The following RSU1 variants were observed in gnomAD, a reference collection of about 807,000 sequenced individuals.
RSU1 encodes the protein rsu-1.
RSU1 carries 26 observed loss-of-function variants against 31.1 expected under a neutral mutation model. That is an observed-to-expected ratio of 0.84 (90% confidence interval 0.61 to 1.16). RSU1 has a LOEUF of 1.16. Ranked by LOEUF, RSU1 falls within the 50% of genes most tolerant of loss-of-function variation. The pLI is 0.00. For synonymous variants in RSU1, 164 were observed against 136.3 expected, an observed-to-expected ratio of 1.20 and a Z score of -1.41; for missense variants, 320 against 339.1, an observed-to-expected ratio of 0.94 and a Z score of 0.44.
chr10:16,752,230 C>T (rs138444499), intron 7 of RSU1, among the ~76,000 whole-genome samples: 1 of 152,298 alleles, frequency 6.6e-6, no homozygotes, highest in African/African-American at 2.4e-5. Flanking sequence ...CAATGAGGAG[C>T]CAGGGATAAG....
chr10:16,799,061 C>A (rs377208004), intron 2 of RSU1, among the ~76,000 whole-genome samples: 1 of 152,030 alleles, frequency 6.6e-6, no homozygotes, highest in South Asian at 2.1e-4. Context: ...ACTCCTAATG[C>A]GCATAAAAGA....
chr10:16,719,515 CAG>C (rs1464448565), intron 7 of RSU1, among the ~76,000 whole-genome samples: 1 of 152,194 alleles, frequency 6.6e-6, no homozygotes, highest in Admixed American at 6.5e-5. Context: ...GTCACCTCTT[CAG>C]AGACGCCTCC....
intron 4 of RSU1, 49 bp downstream of exon 4, chr10:16,764,341 C>G (rs370090210): frequency 6.5e-7 from 1 of 1,539,002 alleles, no homozygotes; most frequent in Non-Finnish European, 8.8e-7. Context: ...ACCCGGCATG[C>G]CCCTTCCACT....
At chr10:16,751,378 A>G (rs564004748) in intron 7 of RSU1, among the ~76,000 whole-genome samples, 1 of 152,268 alleles carries the variant, frequency 6.6e-6, no homozygotes, top group Admixed American at 6.5e-5. Context: ...AAATGGCAAG[A>G]GAGGAGGCGG....
intron 8 of RSU1, among the ~76,000 whole-genome samples, chr10:16,680,419 G>A (rs1356870882): frequency 2.0e-5 from 3 of 152,104 alleles, no homozygotes; most frequent in Admixed American, 6.6e-5. Context: ...GTTCATTCTT[G>A]CGTTGCTATA....
At chr10:16,645,957 CATATATGTGTATATATATGTGTATAT>C (rs1432057845) in intron 8 of RSU1, among the ~76,000 whole-genome samples, 1 of 36,352 alleles carries the variant, frequency 2.8e-5, no homozygotes, top group African/African-American at 1.3e-4. Flanking sequence ...TGTGTATATA[CATATATGTGTATATATATGTGTATAT>C]ACATATATGT....
At chr10:16,677,667 T>A (rs1835258603) in intron 8 of RSU1, among the ~76,000 whole-genome samples, 1 of 152,212 alleles carries the variant, frequency 6.6e-6, no homozygotes, top group South Asian at 2.1e-4. Context: ...CCAGTATTTT[T>A]TCTTGTTGCC....
intron 8 of RSU1, among the ~76,000 whole-genome samples, chr10:16,658,850 G>T (rs1296334651): frequency 1.3e-5 from 2 of 152,102 alleles, no homozygotes; most frequent in Non-Finnish European, 2.9e-5. Flanking sequence ...GTCTGCCTTG[G>T]TCTTTGCAGG....
At chr10:16,637,822 C>CA (rs397738474) in intron 8 of RSU1, among the ~76,000 whole-genome samples, 8,756 of 129,482 alleles carry the variant, frequency 0.068, 603 homozygotes, top group African/African-American at 0.19. Context: ...TATGGATCCT[C>CA]AAAAAAAAAA....
At chr10:16,713,748 C>G (rs1836069277) in intron 7 of RSU1, among the ~76,000 whole-genome samples, 1 of 152,114 alleles carries the variant, frequency 6.6e-6, no homozygotes, top group African/African-American at 2.4e-5. Flanking sequence ...CATTTCCTTG[C>G]TTTTTCACAT....
intron 8 of RSU1, among the ~76,000 whole-genome samples, chr10:16,608,589 T>C (rs1418262092): frequency 6.6e-6 from 1 of 152,050 alleles, no homozygotes; most frequent in Non-Finnish European, 1.5e-5. Flanking sequence ...AAACACAGCA[T>C]CTCATTTCTG....
At chr10:16,593,958 G>A (rs1039998974) in intron 8 of RSU1, among the ~76,000 whole-genome samples, 1 of 152,210 alleles carries the variant, frequency 6.6e-6, no homozygotes, top group South Asian at 2.1e-4. Context: ...GATGGATAGC[G>A]TGGGGCTGGC....
At chr10:16,777,583 G>A (rs1156498042) in intron 3 of RSU1, among the ~76,000 whole-genome samples, 1 of 152,148 alleles carries the variant, frequency 6.6e-6, no homozygotes, top group Non-Finnish European at 1.5e-5. Context: ...CTAATCTTTA[G>A]GTACAAAACC....
intron 3 of RSU1, among the ~76,000 whole-genome samples, chr10:16,769,878 A>G (rs1351860374): frequency 6.6e-6 from 1 of 152,228 alleles, no homozygotes; most frequent in Non-Finnish European, 1.5e-5. Flanking sequence ...GGATGCTACA[A>G]TCAAACCCTT....
At chr10:16,721,206 C>T (rs1391282290) in intron 7 of RSU1, 1 of 152,110 alleles carries the variant, frequency 6.6e-6, no homozygotes, top group Non-Finnish European at 1.5e-5. Flanking sequence ...GTAGAGAGAA[C>T]AGTGAAGAGG....
chr10:16,624,671 C>T (rs576213206), intron 8 of RSU1, among the ~76,000 whole-genome samples: 1 of 152,272 alleles, frequency 6.6e-6, no homozygotes, highest in African/African-American at 2.4e-5. Context: ...TGTGAAAATG[C>T]TTTGACCTCT....
intron 7 of RSU1, among the ~76,000 whole-genome samples, chr10:16,696,768 G>C (rs543828832): frequency 3.3e-5 from 5 of 152,248 alleles, no homozygotes; most frequent in South Asian, 4.1e-4. Context: ...GAAAACCCAG[G>C]GGTGGTATGC....
intron 2 of RSU1, among the ~76,000 whole-genome samples, chr10:16,791,641 A>C (rs962127654): frequency 2.8e-4 from 43 of 152,184 alleles, no homozygotes; most frequent in African/African-American, 8.7e-4. Context: ...AAAACAAAAA[A>C]AAAAAAAAAA....
chr10:16,725,712 C>G (rs1236611361), intron 7 of RSU1, among the ~76,000 whole-genome samples: 1 of 151,372 alleles, frequency 6.6e-6, no homozygotes, highest in Non-Finnish European at 1.5e-5. Flanking sequence ...AAAACTGAAT[C>G]TGTCCGCTCC....
Sources: gnomAD v4.1 joint callset for allele counts (sites outside exome capture counted in the v4.1 genomes callset) on GRCh38, gnomAD v4.1.1 for gene constraint, MANE v1.5 for transcripts, NCBI Gene and HGNC (gene_info 2026-07-23, HGNC 2026-07-21) for gene names.